LUZP2: variants seen among roughly 807,000 people sequenced by gnomAD.
The protein encoded by LUZP2 is leucine zipper protein 2.
Under a neutral mutation model 51.6 loss-of-function variants are expected in LUZP2, and 52 were observed. The observed-to-expected ratio is 1.01, with a 90% CI of 0.81 to 1.27. LUZP2 has a LOEUF of 1.27. LUZP2 is among the 50% of genes most tolerant of loss of function. The pLI is 0.00. For missense variants in LUZP2, 436 were observed against 395.4 expected (o/e 1.10, Z -0.87); for synonymous variants, 154 against 137.3 (o/e 1.12, Z -0.85).
At chr11:25,004,786 G>A (rs1306004243) in intron 9 of LUZP2, among the ~76,000 whole-genome samples, 2 of 152,118 alleles carry the variant, frequency 1.3e-5, no homozygotes, top group Non-Finnish European at 2.9e-5. Context: ...TCTGAGTTGA[G>A]GTCCCAGTGG....
At chr11:24,573,985 C>T (rs1483663923) in intron 1 of LUZP2, among the ~76,000 whole-genome samples, 4 of 151,760 alleles carry the variant, frequency 2.6e-5, no homozygotes, top group African/African-American at 9.7e-5. Context: ...CCCATTAACT[C>T]ATCATTTAGC....
At chr11:24,898,094 T>C (rs1202613971) in intron 5 of LUZP2, among the ~76,000 whole-genome samples, 1 of 152,162 alleles carries the variant, frequency 6.6e-6, no homozygotes, top group Non-Finnish European at 1.5e-5. Flanking sequence ...AGAAAAAAAC[T>C]GGAATGTATT....
chr11:24,666,219 C>T (rs1013677574), intron 1 of LUZP2, among the ~76,000 whole-genome samples: 3 of 151,980 alleles, frequency 2.0e-5, no homozygotes, highest in Non-Finnish European at 4.4e-5. Flanking sequence ...TAAGGAAAGT[C>T]GATCAATGGG....
chr11:24,620,508 T>C (rs985490991), intron 1 of LUZP2, among the ~76,000 whole-genome samples: 1 of 152,172 alleles, frequency 6.6e-6, no homozygotes, highest in African/African-American at 2.4e-5. Flanking sequence ...ATTAGTAAGT[T>C]ATTAGCTTCC....
chr11:24,959,837 A>T (rs1037316566), intron 7 of LUZP2, among the ~76,000 whole-genome samples: 1 of 152,194 alleles, frequency 6.6e-6, no homozygotes, highest in Non-Finnish European at 1.5e-5. Context: ...GCCAGTTTTC[A>T]AAGGGAATGC....
intron 9 of LUZP2, among the ~76,000 whole-genome samples, chr11:25,032,762 T>C (rs1857728261): frequency 6.6e-6 from 1 of 152,152 alleles, no homozygotes; most frequent in Non-Finnish European, 1.5e-5. Flanking sequence ...TAGGGTTTAT[T>C]CAAGAGATAT....
intron 3 of LUZP2, among the ~76,000 whole-genome samples, chr11:24,734,723 A>G (rs1476750611): frequency 6.6e-6 from 1 of 151,998 alleles, no homozygotes; most frequent in Non-Finnish European, 1.5e-5. Context: ...CTCATTTCAA[A>G]ATCTGACTTA....
At chr11:24,557,942 G>T (rs936737218) in intron 1 of LUZP2, among the ~76,000 whole-genome samples, 3 of 152,088 alleles carry the variant, frequency 2.0e-5, no homozygotes, top group African/African-American at 7.2e-5. Context: ...TAATAAAGCT[G>T]CCCCATGTGT....
intron 1 of LUZP2, among the ~76,000 whole-genome samples, chr11:24,630,749 A>G (rs1302393738): frequency 1.4e-5 from 2 of 145,474 alleles, no homozygotes; most frequent in African/African-American, 5.1e-5. Flanking sequence ...ATGTTGTTAT[A>G]TTGATAGAGT....
At chr11:24,837,774 T>C (rs947740837) in intron 5 of LUZP2, among the ~76,000 whole-genome samples, 4 of 151,668 alleles carry the variant, frequency 2.6e-5, no homozygotes, top group African/African-American at 4.8e-5. Context: ...TGTGGAATCA[T>C]TTTGGAATTT....
chr11:24,610,140 G>A (rs1246048755), intron 1 of LUZP2, among the ~76,000 whole-genome samples: 2 of 152,200 alleles, frequency 1.3e-5, no homozygotes, highest in African/African-American at 2.4e-5. Flanking sequence ...CTGAAGAATG[G>A]CGTTCGAAGA....
At chr11:24,774,181 C>T (rs566380585) in intron 5 of LUZP2, among the ~76,000 whole-genome samples, 22 of 151,764 alleles carry the variant, frequency 1.4e-4, no homozygotes, top group African/African-American at 3.4e-4. Flanking sequence ...CAACCTACAT[C>T]TTTCTCCTGT....
At chr11:24,572,744 TG>T (rs1852483941) in intron 1 of LUZP2, among the ~76,000 whole-genome samples, 1 of 152,032 alleles carries the variant, frequency 6.6e-6, no homozygotes, top group Admixed American at 6.6e-5. Flanking sequence ...TAATTTAGAC[TG>T]GGTAGTTCTT....
At chr11:24,902,419 T>G (rs1214388441) in intron 5 of LUZP2, among the ~76,000 whole-genome samples, 3 of 152,200 alleles carry the variant, frequency 2.0e-5, no homozygotes, top group Non-Finnish European at 4.4e-5. Context: ...AAAATAAATC[T>G]TTTTCAACAT....
intron 5 of LUZP2, among the ~76,000 whole-genome samples, chr11:24,778,674 A>G (rs1849009444): frequency 6.6e-6 from 1 of 152,158 alleles, no homozygotes; most frequent in Non-Finnish European, 1.5e-5. Context: ...ATAAAAAGGA[A>G]GAAAGGAAGG....
chr11:25,042,630 G>C (rs1043082378), intron 9 of LUZP2, among the ~76,000 whole-genome samples: 1 of 152,042 alleles, frequency 6.6e-6, no homozygotes, highest in Non-Finnish European at 1.5e-5. Flanking sequence ...AAATCTAAAG[G>C]CTAGAAATCT....
chr11:24,871,017 T>G (rs1030879657), intron 5 of LUZP2, among the ~76,000 whole-genome samples: 60 of 152,084 alleles, frequency 3.9e-4, no homozygotes, highest in Non-Finnish European at 5.7e-4. Context: ...CCTGGAATTC[T>G]CACTTTCTAC....
At chr11:24,544,480 C>T (rs1290526783) in intron 1 of LUZP2, among the ~76,000 whole-genome samples, 1 of 152,038 alleles carries the variant, frequency 6.6e-6, no homozygotes, top group Non-Finnish European at 1.5e-5. Context: ...CTGTTGTACC[C>T]TACTATGTGT....
At chr11:24,777,775 C>G (rs978425005) in intron 5 of LUZP2, among the ~76,000 whole-genome samples, 1 of 151,842 alleles carries the variant, frequency 6.6e-6, no homozygotes, top group African/African-American at 2.4e-5. Flanking sequence ...CATTGATTTA[C>G]TTGTTCATTT....
Sources: allele counts gnomAD v4.1 joint callset (sites outside exome capture counted in the v4.1 genomes callset), GRCh38; gene constraint gnomAD v4.1.1; transcripts MANE v1.5; gene names NCBI Gene and HGNC (gene_info 2026-07-23, HGNC 2026-07-21).